The following ASRGL1 variants were observed in gnomAD, a reference collection of about 807,000 sequenced individuals.
ASRGL1 encodes the protein asparaginase and isoaspartyl peptidase 1, also known as isoaspartyl peptidase/L-asparaginase.
A neutral mutation model predicts 22.4 loss-of-function variants in ASRGL1; 16 were observed. That is an observed-to-expected ratio of 0.71 (90% CI 0.48 to 1.08). ASRGL1 has a LOEUF of 1.08. ASRGL1 is among the 50% of genes least tolerant of loss of function. ASRGL1 has a pLI of 0.00. For synonymous variants in ASRGL1, 165 were observed against 159.3 expected, an observed-to-expected ratio of 1.04 and a Z score of -0.27; for missense variants, 412 against 410.1, an observed-to-expected ratio of 1.00 and a Z score of -0.04.
At chr11:62,338,784 A>AG (rs1360536559) in intron 2 of ASRGL1, among the ~76,000 whole-genome samples, 6 of 151,254 alleles carry the variant, frequency 4.0e-5, no homozygotes, top group Non-Finnish European at 7.4e-5. Context: ...AAAATACAAA[A>AG]GAAAAAAAAA....
chr11:62,361,654 A>C (rs1351308660), intron 4 of ASRGL1, among the ~76,000 whole-genome samples: 2 of 151,496 alleles, frequency 1.3e-5, no homozygotes, highest in East Asian at 3.9e-4. Flanking sequence ...TGCCCGGCTA[A>C]TTTTTGTATT....
intron 2 of ASRGL1, among the ~76,000 whole-genome samples, chr11:62,354,215 A>G (rs1309145096): frequency 6.6e-6 from 1 of 152,240 alleles, no homozygotes; most frequent in African/African-American, 2.4e-5. Context: ...TGTAGGCATT[A>G]TCTGGGCAGA....
chr11:62,361,481 A>ATTTTTTTTT (rs35345092), intron 4 of ASRGL1, among the ~76,000 whole-genome samples: 1 of 101,912 alleles, frequency 9.8e-6, no homozygotes, highest in African/African-American at 4.4e-5. Flanking sequence ...AACCTGGCCA[A>ATTTTTTTTT]TTTTTTTTTT....
chr11:62,356,922 G>T, intron 3 of ASRGL1, 65 bp from the exon 4 acceptor site: 2 of 1,513,242 alleles, frequency 1.3e-6, no homozygotes, highest in African/African-American at 1.4e-5. Flanking sequence ...CAACACAGTT[G>T]GAACAGTTAA....
At chr11:62,364,897 C>G (rs935663990) in intron 4 of ASRGL1, among the ~76,000 whole-genome samples, 1 of 151,588 alleles carries the variant, frequency 6.6e-6, no homozygotes, top group South Asian at 2.1e-4. Context: ...GGCGAAACCC[C>G]GTATCTACTA....
intron 2 of ASRGL1, among the ~76,000 whole-genome samples, chr11:62,348,108 A>G (rs1416439254): frequency 1.3e-5 from 2 of 152,232 alleles, no homozygotes; most frequent in Non-Finnish European, 2.9e-5. Flanking sequence ...TAAAGTATAC[A>G]GGAGGATGTG....
intron 2 of ASRGL1, among the ~76,000 whole-genome samples, chr11:62,352,851 A>G (rs979257538): frequency 3.3e-5 from 5 of 151,760 alleles, no homozygotes; most frequent in Admixed American, 1.3e-4. Flanking sequence ...GCTACTTTCA[A>G]TGTTTTTTTG....
At chr11:62,375,551 TCCTGGTGCTCTC>T (rs1004218935) in intron 4 of ASRGL1, among the ~76,000 whole-genome samples, 2 of 146,820 alleles carry the variant, frequency 1.4e-5, no homozygotes, top group African/African-American at 5.0e-5. Context: ...AAAATAAACA[TCCTGGTGCTCTC>T]CCTAGGCAAG....
At chr11:62,372,053 G>A (rs1565167771) in intron 4 of ASRGL1, 18 of 752,194 alleles carry the variant, frequency 2.4e-5, no homozygotes, top group South Asian at 2.3e-4. Context: ...CCTGGCGGGG[G>A]TCCGGGTGCG....
At chr11:62,351,142 C>T (rs1946157690) in intron 2 of ASRGL1, among the ~76,000 whole-genome samples, 1 of 152,158 alleles carries the variant, frequency 6.6e-6, no homozygotes, top group Admixed American at 6.5e-5. Flanking sequence ...CCCTAGAGAC[C>T]TTACCTTTCT....
At chr11:62,385,372 A>G (rs569702939) in intron 4 of ASRGL1, among the ~76,000 whole-genome samples, 4 of 151,260 alleles carry the variant, frequency 2.6e-5, no homozygotes, top group Non-Finnish European at 4.4e-5. Flanking sequence ...GGATTTCTCT[A>G]TGTTGCTCAG....
chr11:62,369,310 G>A (rs1174620156), intron 4 of ASRGL1, among the ~76,000 whole-genome samples: 4 of 152,098 alleles, frequency 2.6e-5, no homozygotes, highest in Admixed American at 1.3e-4. Flanking sequence ...ATGTCTCTGC[G>A]ACACAGGGTT....
At chr11:62,398,659 C>A in the ASRGL1 span, among the ~76,000 whole-genome samples, 725 of 152,368 alleles carry the variant, frequency 4.8e-3, 6 homozygotes, top group African/African-American at 0.017. Flanking sequence ...CGCCCCTCCC[C>A]TGGGCCCACT....
chr11:62,367,042 TA>T (rs1365684453), intron 4 of ASRGL1, among the ~76,000 whole-genome samples: 1 of 151,532 alleles, frequency 6.6e-6, no homozygotes, highest in East Asian at 1.9e-4. Context: ...CCGTCTCTAC[TA>T]AAAATACAAA....
chr11:62,355,256 C>T (rs911195873), intron 2 of ASRGL1, among the ~76,000 whole-genome samples: 2 of 149,116 alleles, frequency 1.3e-5, no homozygotes, highest in African/African-American at 2.5e-5. Context: ...GATGAAGTCT[C>T]GCTCTGTCGC....
At chr11:62,361,001 G>A (rs977971900) in intron 4 of ASRGL1, among the ~76,000 whole-genome samples, 1 of 152,024 alleles carries the variant, frequency 6.6e-6, no homozygotes, top group African/African-American at 2.4e-5. Flanking sequence ...AAATTTTCTA[G>A]GTTTCAGTAA....
chr11:62,366,331 T>A (rs1000861120), intron 4 of ASRGL1, among the ~76,000 whole-genome samples: 14 of 146,814 alleles, frequency 9.5e-5, no homozygotes, highest in African/African-American at 3.2e-4. Flanking sequence ...TTTTTCAAGA[T>A]ACATTTACCA....
At chr11:62,370,506 A>G (rs1247741107) in intron 4 of ASRGL1, among the ~76,000 whole-genome samples, 7 of 152,212 alleles carry the variant, frequency 4.6e-5, no homozygotes, top group Non-Finnish European at 1.5e-5. Context: ...GTTCAGGACC[A>G]GAAACAGGAC....
chr11:62,348,733 T>C (rs1014453813), intron 2 of ASRGL1, among the ~76,000 whole-genome samples: 6 of 150,970 alleles, frequency 4.0e-5, no homozygotes, highest in Non-Finnish European at 8.8e-5. Flanking sequence ...GTAAAAGGGT[T>C]AAAACTGTCC....
Sources: gnomAD v4.1 joint callset for allele counts (sites outside exome capture counted in the v4.1 genomes callset) on GRCh38, gnomAD v4.1.1 for gene constraint, MANE v1.5 for transcripts, NCBI Gene and HGNC (gene_info 2026-07-23, HGNC 2026-07-21) for gene names.